The following DLG2 variants were observed in gnomAD, a reference collection of about 807,000 sequenced individuals.
DLG2 encodes the protein discs large MAGUK scaffold protein 2.
Under a neutral mutation model 132.5 loss-of-function variants are expected in DLG2, and 45 were observed. That is an observed-to-expected ratio of 0.34 (90% confidence interval 0.27 to 0.44). DLG2 has a LOEUF of 0.44. Ranked by LOEUF, DLG2 falls within the 20% of genes least tolerant of loss-of-function variation. The pLI is 1.00. For missense variants in DLG2, 1,045 were observed against 1,196.9 expected (o/e 0.87, Z 1.87); for synonymous variants, 424 against 419.6 (o/e 1.01, Z -0.13).
intron 14 of DLG2, among the ~76,000 whole-genome samples, chr11:83,943,341 C>G (rs1264406375): frequency 6.6e-6 from 1 of 150,664 alleles, no homozygotes; most frequent in South Asian, 2.1e-4. Flanking sequence ...GTATTGGGTA[C>G]TTTTCAATTC....
chr11:85,375,053 T>G (rs2085298078), intron 3 of DLG2, among the ~76,000 whole-genome samples: 4 of 152,138 alleles, frequency 2.6e-5, no homozygotes, highest in Admixed American at 2.6e-4. Context: ...CTTTATTCCT[T>G]TTCATTTCTT....
In DLG2 at chr11:83,841,549, GTTTA is replaced by G. The variant is rs368914093; in HGVS notation, c.1566-7783_1566-7780del. On this transcript the variant is annotated intron_variant, in intron 16 of 27. Transcript: ENST00000376104. The stretch of plus-strand genomic sequence containing the variant: ...TCATAATGCTTATTCCACTGGATTG[GTTTA>G]TTTGACTCCCTTTCTAGCTAGAGTG... Among the ~76,000 whole-genome samples, 134 of 152,224 alleles carry G rather than the reference GTTTA, an allele frequency of 8.8e-4. 1 individual carries two copies. The highest frequency in any genetic ancestry group is 3.1e-3 in the African/African-American group (129 of 41,534).
At chr11:84,986,686 A>G (rs1566581737) in intron 6 of DLG2, among the ~76,000 whole-genome samples, 1 of 152,208 alleles carries the variant, frequency 6.6e-6, no homozygotes, top group Non-Finnish European at 1.5e-5. Context: ...ATAGATGCGG[A>G]AAAAGCATTT....
intron 4 of DLG2, among the ~76,000 whole-genome samples, chr11:85,177,294 C>T (rs56272375): frequency 0.039 from 5,629 of 146,004 alleles, 148 homozygotes; most frequent in African/African-American, 0.071. Flanking sequence ...TATACACACA[C>T]ACACACACAC....
intron 19 of DLG2, among the ~76,000 whole-genome samples, chr11:83,545,636 G>A (rs1039011985): frequency 6.6e-6 from 1 of 152,068 alleles, no homozygotes; most frequent in African/African-American, 2.4e-5. Flanking sequence ...TCCCTACCAG[G>A]TCAGACATTC....
intron 3 of DLG2, among the ~76,000 whole-genome samples, chr11:85,484,069 G>C (rs1287712411): frequency 6.6e-6 from 1 of 152,112 alleles, no homozygotes; most frequent in Non-Finnish European, 1.5e-5. Flanking sequence ...TAGTCAACAA[G>C]TACCGTAAGG....
intron 19 of DLG2, among the ~76,000 whole-genome samples, chr11:83,564,857 T>G (rs1457854336): frequency 1.3e-5 from 2 of 151,980 alleles, no homozygotes; most frequent in African/African-American, 4.8e-5. Context: ...AATTTCTTTT[T>G]TTTTCTGCAC....
At chr11:83,624,437 G>A (rs969675943) in intron 19 of DLG2, among the ~76,000 whole-genome samples, 2 of 152,182 alleles carry the variant, frequency 1.3e-5, no homozygotes, top group Non-Finnish European at 2.9e-5. Context: ...TAAAGACAAA[G>A]CCTTTTATTC....
At chr11:85,203,986 C>A (rs1382946662) in intron 4 of DLG2, among the ~76,000 whole-genome samples, 1 of 152,072 alleles carries the variant, frequency 6.6e-6, no homozygotes, top group Non-Finnish European at 1.5e-5. Flanking sequence ...AATTCAACAT[C>A]TCTTTATGAT....
At chr11:85,066,686 A>G (rs2064970413) in intron 6 of DLG2, among the ~76,000 whole-genome samples, 1 of 151,816 alleles carries the variant, frequency 6.6e-6, no homozygotes, top group African/African-American at 2.4e-5. Context: ...GTTAATAAAA[A>G]AAACTATATG....
chr11:83,549,098 A>C (rs775769099), intron 19 of DLG2, among the ~76,000 whole-genome samples: 1 of 152,140 alleles, frequency 6.6e-6, no homozygotes, highest in Non-Finnish European at 1.5e-5. Context: ...AATTTCCTTC[A>C]TTTCTTGAAG....
At chr11:84,257,875 C>T (rs989228503) in intron 7 of DLG2, among the ~76,000 whole-genome samples, 5 of 151,580 alleles carry the variant, frequency 3.3e-5, no homozygotes, top group East Asian at 1.9e-4. Context: ...TTTATAGAGA[C>T]GGGGTTTTGC....
intron 18 of DLG2, among the ~76,000 whole-genome samples, chr11:83,688,149 T>C (rs1455767783): frequency 6.6e-6 from 1 of 152,206 alleles, no homozygotes; most frequent in Non-Finnish European, 1.5e-5. Flanking sequence ...TCTCAATTAA[T>C]TACCACGAAA....
intron 3 of DLG2, among the ~76,000 whole-genome samples, chr11:85,542,455 G>A (rs969685375): frequency 6.6e-6 from 1 of 152,100 alleles, no homozygotes; most frequent in African/African-American, 2.4e-5. Context: ...GATAAAATAG[G>A]ACAAAATACA....
intron 6 of DLG2, among the ~76,000 whole-genome samples, chr11:85,040,641 C>T (rs909025418): frequency 3.3e-5 from 5 of 151,934 alleles, no homozygotes; most frequent in Admixed American, 1.3e-4. Flanking sequence ...GTTACAGACA[C>T]CATCAATCTT....
chr11:83,512,821 TG>T (rs1340184116), intron 21 of DLG2, among the ~76,000 whole-genome samples: 3 of 152,112 alleles, frequency 2.0e-5, no homozygotes, highest in Non-Finnish European at 4.4e-5. Flanking sequence ...CTGAGAATGA[TG>T]GTTTCCAGCT....
chr11:84,682,546 C>G (rs1031453984), intron 6 of DLG2, among the ~76,000 whole-genome samples: 2 of 152,160 alleles, frequency 1.3e-5, no homozygotes, highest in African/African-American at 2.4e-5. Flanking sequence ...GTGGTTAGTA[C>G]TAACAATCAG....
intron 19 of DLG2, among the ~76,000 whole-genome samples, chr11:83,569,106 T>C (rs187488690): frequency 3.9e-4 from 60 of 152,296 alleles, no homozygotes; most frequent in Admixed American, 2.0e-3. Context: ...TTTTCCTTCT[T>C]TGGGTGGTAG....
rs146577261 is a variant in DLG2, at chr11:84,164,169, T to C, written c.574-658A>G. Among the ~76,000 whole-genome samples, 213 of 152,338 alleles carry C rather than the reference T, an allele frequency of 1.4e-3. 4 individuals are homozygous for C. The East Asian group carries it at 0.038, about 27-fold the overall frequency. Reference sequence around the variant, plus strand: ...TCAACCATCCAACCAATCCTTGTATTGATTTGAATTTACAGAGAGAAATAC... The same window carrying C: ...TCAACCATCCAACCAATCCTTGTATCGATTTGAATTTACAGAGAGAAATAC... On this transcript the variant is annotated intron_variant, in intron 8 of 27. Coordinates refer to ENST00000376104, the MANE Select transcript of DLG2 (RefSeq NM_001142699.3).
Sources: allele counts gnomAD v4.1 joint callset (sites outside exome capture counted in the v4.1 genomes callset), GRCh38; gene constraint gnomAD v4.1.1; transcripts MANE v1.5; gene names NCBI Gene and HGNC (gene_info 2026-07-23, HGNC 2026-07-21).